The following FAM234B variants were observed in gnomAD, a reference collection of about 807,000 sequenced individuals.
FAM234B encodes protein FAM234B.
A neutral mutation model predicts 69.3 loss-of-function variants in FAM234B; 33 were observed. The ratio of observed to expected loss-of-function variants is 0.48; its 90% CI spans 0.36 to 0.64. The LOEUF (loss-of-function observed/expected upper bound fraction) is 0.64, where lower values mean the gene tolerates loss of function less well. FAM234B is among the 30% of genes least tolerant of loss of function. The pLI, the probability that FAM234B is intolerant of heterozygous loss-of-function variation, is 0.00. For synonymous variants in FAM234B, 306 were observed against 306.9 expected (o/e 1.00, Z 0.03); for missense variants, 697 against 769.7 (o/e 0.91, Z 1.12).
chr12:13,079,748 A>G (rs768959210), intron 11 of FAM234B, 41 bp from the exon 12 acceptor site: 6 of 1,253,060 alleles, frequency 4.8e-6, no homozygotes, highest in African/African-American at 3.0e-5. Flanking sequence ...AGTGGACGGT[A>G]TGTGTCCATG....
intron 1 of FAM234B, among the ~76,000 whole-genome samples, chr12:13,053,285 T>A: frequency 6.6e-6 from 1 of 152,242 alleles, no homozygotes; most frequent in East Asian, 1.9e-4. Flanking sequence ...ATGTTCATTT[T>A]AAAAAATCTA....
At position 13,055,625 on chromosome 12, in the gene FAM234B, G is replaced by C; in HGVS notation, c.112G>C (p.Val38Leu). 6.2e-7 allele frequency: 1 copy of C among 1,614,202 alleles called. No individual in the cohort carries two copies. Among genetic ancestry groups the C allele is most frequent in the Non-Finnish European group, 8.5e-7 (1 of 1,180,024 alleles). Reference sequence around the variant, plus strand: ...CAGTGATGAGAGCGAAGACGATCTGGTGCTTAACCTGCAGAAGAATGGAGG... The same window carrying C: ...CAGTGATGAGAGCGAAGACGATCTGCTGCTTAACCTGCAGAAGAATGGAGG... ...ADSDESEDDLVLNLQKNGGVK... is the reference protein window; with the variant it reads ...ADSDESEDDLLLNLQKNGGVK... Residue 38 changes from valine to leucine, a missense_variant, in exon 2 of 13, where the codon GTG (valine) becomes CTG (leucine). Transcript: ENST00000197268.
chr12:13,072,279 C>T (rs1197640272), intron 10 of FAM234B, among the ~76,000 whole-genome samples: 1 of 152,138 alleles, frequency 6.6e-6, no homozygotes, highest in Non-Finnish European at 1.5e-5. Context: ...TATATTTACT[C>T]ATTTTGAGGA....
chr12:13,071,432 T>G (rs1407821365), intron 10 of FAM234B, 36 bp downstream of exon 10: 3 of 1,593,390 alleles, frequency 1.9e-6, no homozygotes, highest in Non-Finnish European at 2.6e-6. Flanking sequence ...TTTTACTTTG[T>G]CAGATGGCAG....
chr12:13,066,895 A>G lies in FAM234B; in HGVS notation c.1000+108A>G, dbSNP rs965551524. ...AGGAACTCCTGACACCAGCCTTCCC[A>G]TAGCCTTCTAATGCAGGGGCCTCTT... On this transcript the variant is annotated intron_variant, in intron 6 of 12. Coordinates refer to ENST00000197268, the MANE Select transcript of FAM234B (RefSeq NM_020853.2). 39 of 1,286,126 alleles carry G rather than the reference A, an allele frequency of 3.0e-5. No homozygotes were observed. The Admixed American group carries it at 8.1e-4, about 27-fold the overall frequency. The allele number at this position is 1,286,126 out of a possible 1,614,324, so 79.7% of individuals were successfully genotyped here. A position where few individuals can be genotyped will look rare whatever the true frequency, so the allele number is the denominator to read the frequency against.
chr12:13,048,776 A>G (rs1260071789), intron 1 of FAM234B, among the ~76,000 whole-genome samples: 1 of 152,200 alleles, frequency 6.6e-6, no homozygotes, highest in African/African-American at 2.4e-5. Context: ...AGACGAGGCA[A>G]TTTATAAAAG....
chr12:13,080,744 C>A lies in FAM234B; in HGVS notation c.*114C>A, dbSNP rs1865216815. 1.1e-6 allele frequency: 1 copy of A among 884,684 alleles called. No individual in the cohort carries two copies. The highest frequency in any genetic ancestry group is 1.8e-6 in the Non-Finnish European group (1 of 548,360). 54.8% of individuals were successfully genotyped at this position (884,684 alleles called of 1,614,324 possible). On this transcript the variant is annotated 3_prime_UTR_variant, in exon 13 of 13. Transcript: ENST00000197268. ...AAGACTTCTTCGTCCTCATTTACCA[C>A]CTCCCTGATGGTTGCAAAGGCTTGG... is the stretch of plus-strand genomic sequence containing the variant.
chr12:13,063,423 T>C (rs994519421), intron 5 of FAM234B, among the ~76,000 whole-genome samples: 1 of 152,250 alleles, frequency 6.6e-6, no homozygotes, highest in Non-Finnish European at 1.5e-5. Context: ...TACTGTATTA[T>C]ATATATGTAC....
chr12:13,075,451 T>G (rs561024707), intron 10 of FAM234B, among the ~76,000 whole-genome samples: 1,298 of 122,502 alleles, frequency 0.011, 6 homozygotes, highest in Non-Finnish European at 0.017. Context: ...TTTTTTTTAT[T>G]TTTTGAGACA....
At chr12:13,076,285 G>A (rs1865159807) in intron 11 of FAM234B, 142 bp downstream of exon 11, 1 of 693,450 alleles carries the variant, frequency 1.4e-6, no homozygotes, top group African/African-American at 1.8e-5. Flanking sequence ...TGGTGTCCCT[G>A]GTGCCTCTTT....
At position 13,082,205 on chromosome 12, in the gene FAM234B, T is replaced by A. The variant is rs1247050897; in HGVS notation, c.*1575T>A. On this transcript the variant is annotated 3_prime_UTR_variant, in exon 13 of 13. Coordinates refer to ENST00000197268, the MANE Select transcript of FAM234B (RefSeq NM_020853.2). Reference sequence around the variant, plus strand: ...GTCACGAACTCCTGACCTCAGATAATCCACCTGCTTCTGCCTCCCAAAGTG... The same window carrying A: ...GTCACGAACTCCTGACCTCAGATAAACCACCTGCTTCTGCCTCCCAAAGTG... 6.6e-6 allele frequency: 1 copy of A among 152,130 alleles called. No individual in the cohort carries two copies. The highest frequency in any genetic ancestry group is 2.4e-5 in the African/African-American group (1 of 41,382). The allele number at this position is 152,130 out of a possible 1,614,324, so 9.4% of individuals were successfully genotyped here. A position where few individuals can be genotyped will look rare whatever the true frequency, so the allele number is the denominator to read the frequency against.
At position 13,062,846 on chromosome 12, in the gene FAM234B, G is replaced by A. The variant is rs1158328361; in HGVS notation, c.723G>A (p.Gly241=). The change falls in exon 5 of 13, where the codon GGG becomes GGA. Residue 241 remains glycine (G), a splice_region_variant and synonymous_variant. Transcript: ENST00000197268. ...ACCAGCCTATGTGTCCTTCCTCAGG[G>A]AAAGCCATTTGGACTTTAAACCCAA... ...KMLSAFNATS[G]KAIWTLNPNY... 6.2e-7 allele frequency: 1 copy of A among 1,613,810 alleles called. No homozygotes were observed. Among genetic ancestry groups the A allele is most frequent in the South Asian group, 1.1e-5 (1 of 91,028 alleles).
chr12:13,055,239 A>G (rs1027871283), intron 1 of FAM234B, among the ~76,000 whole-genome samples: 4 of 152,234 alleles, frequency 2.6e-5, no homozygotes, highest in Non-Finnish European at 5.9e-5. Flanking sequence ...GTGAGATTCA[A>G]ACACATTAAG....
At chr12:13,063,923 C>T (rs546744908) in intron 5 of FAM234B, among the ~76,000 whole-genome samples, 180 of 152,186 alleles carry the variant, frequency 1.2e-3, no homozygotes, top group Middle Eastern at 3.4e-3. Context: ...TTTTAATAGA[C>T]CTTGTGTTTG....
rs534266586 is a variant in FAM234B, at chr12:13,081,652, T to C, written c.*1022T>C. On this transcript the variant is annotated 3_prime_UTR_variant, in exon 13 of 13. Coordinates refer to ENST00000197268, the MANE Select transcript of FAM234B (RefSeq NM_020853.2). ...GCTACTTGAGTCCAGGATGCAACCA[T>C]TTTGTCCTGCATCTCTTCTTTCCTG... 1 of 152,356 alleles carries C rather than the reference T, an allele frequency of 6.6e-6. No homozygotes were observed. The highest frequency in any genetic ancestry group is 1.9e-4 in the East Asian group (1 of 5,192). 9.4% of individuals were successfully genotyped at this position (152,356 alleles called of 1,614,324 possible).
In FAM234B at chr12:13,076,093, C is replaced by A; in HGVS notation, c.1592C>A (p.Ser531Tyr). The A allele has an allele frequency of 6.2e-7, 1 of 1,614,208 alleles. No homozygotes were observed. Residue 531 changes from serine to tyrosine, a missense_variant, in exon 11 of 13, where the codon TCC becomes TAC. Physicochemically the swap from Ser to Tyr is moderately radical, Grantham distance 144. Around this residue, in one of 3 missense-constraint regions of FAM234B, gnomAD observed 313 missense variants for 305.5 expected, o/e 1.02. Transcript: ENST00000197268. ...HLYLLHPAFP[S>Y]ILLDLANTTG... ...TACCTCCTGCATCCTGCGTTCCCCT[C>A]CATCCTTCTGGATCTGGCCAACACC...
At position 13,082,793 on chromosome 12, in the gene FAM234B, C is replaced by A. The variant is rs1324963251; in HGVS notation, c.*2163C>A. On this transcript the variant is annotated 3_prime_UTR_variant, in exon 13 of 13. Coordinates refer to ENST00000197268, the MANE Select transcript of FAM234B (RefSeq NM_020853.2). ...GAAACATGAAGTTGTTTTCTGAGGACCTGTTTTGGTGGGATTGTTTGGGCA... is the reference window on the plus strand; with the variant it reads ...GAAACATGAAGTTGTTTTCTGAGGAACTGTTTTGGTGGGATTGTTTGGGCA... The A allele has an allele frequency of 1.3e-5, 2 of 152,098 alleles. No individual in the cohort carries two copies. Among genetic ancestry groups the A allele is most frequent in the Admixed American group, 6.6e-5 (1 of 15,262 alleles). 9.4% of individuals were successfully genotyped at this position (152,098 alleles called of 1,614,324 possible).
intron 11 of FAM234B, among the ~76,000 whole-genome samples, chr12:13,078,421 C>T (rs1181377732): frequency 6.6e-6 from 1 of 152,144 alleles, no homozygotes; most frequent in East Asian, 1.9e-4. Context: ...TTTAAGTCCA[C>T]AGCCAATATC....
intron 3 of FAM234B, among the ~76,000 whole-genome samples, chr12:13,060,949 T>C (rs1864976833): frequency 6.6e-6 from 1 of 152,234 alleles, no homozygotes; most frequent in Non-Finnish European, 1.5e-5. Flanking sequence ...ACCAAATCAA[T>C]TGATTCCAGA....
Sources: allele counts gnomAD v4.1 joint callset (sites outside exome capture counted in the v4.1 genomes callset), GRCh38; gene constraint gnomAD v4.1.1; regional missense constraint gnomAD v4.1.1; transcripts MANE v1.5; gene names NCBI Gene and HGNC (gene_info 2026-07-23, HGNC 2026-07-21).